The following CMTR2 variants were observed in gnomAD, a reference collection of about 807,000 sequenced individuals.
CMTR2 encodes the protein cap-specific mRNA (nucleoside-2'-O-)-methyltransferase 2.
Under a neutral mutation model 49.8 loss-of-function variants are expected in CMTR2, and 40 were observed. The observed-to-expected ratio is 0.80, with a 90% confidence interval of 0.62 to 1.04. The LOEUF (loss-of-function observed/expected upper bound fraction) is 1.04. Among genes scored for constraint, CMTR2 ranks in the 50% least tolerant of loss-of-function variants. The probability of loss-of-function intolerance (pLI) is 0.00; values close to 1 mark genes in which losing one functional copy is unlikely to be tolerated. For synonymous variants in CMTR2, 326 were observed against 315.8 expected, an observed-to-expected ratio of 1.03 and a Z score of -0.34; for missense variants, 907 against 897.2, an observed-to-expected ratio of 1.01 and a Z score of -0.14.
intron 2 of CMTR2, chr16:71,287,089 C>T (rs1270774116): frequency 6.6e-6 from 1 of 152,084 alleles, no homozygotes; most frequent in Admixed American, 6.5e-5. Flanking sequence ...CTTTAGTTCA[C>T]AAATTCTGCA....
chr16:71,283,749 A>C lies in CMTR2; in HGVS notation c.2172T>G (p.Phe724Leu), dbSNP rs756451781. 6.2e-6 allele frequency: 10 copies of C among 1,613,918 alleles called. No homozygotes were observed. The Admixed American group carries it at 1.7e-4, about 27-fold the overall frequency. Residue 724 changes from phenylalanine to leucine, a missense_variant, in exon 3 of 3, where the codon TTT becomes TTG. Phe to Leu is a conservative substitution (Grantham distance 22). Transcript: ENST00000434935. ...NSDSPQQVLQ[F>L]VPMEVLLKGA... ...CCTTAAGGAGTACCTCCATTGGCAC[A>C]AACTGTAAAACCTGCTGGGGTGAGT...
Position 71,284,722 on chromosome 16 carries a change from G to A in CMTR2, c.1199C>T (p.Ala400Val), listed in dbSNP as rs1197327408. Reference sequence around the variant, plus strand: ...AAATTTTTGCATAAAATATTGTATAGCACAATCCCTTAAATTATTCAGCTT... The same window carrying A: ...AAATTTTTGCATAAAATATTGTATAACACAATCCCTTAAATTATTCAGCTT... ...QEKLNNLRDCAIQYFMQKFQL... is the reference protein window; with the variant it reads ...QEKLNNLRDCVIQYFMQKFQL... The change falls in exon 3 of 3, where the codon GCT becomes GTT. Residue 400 changes from alanine (A) to valine (V), a missense_variant. Transcript: ENST00000434935. 6.2e-7 allele frequency: 1 copy of A among 1,613,294 alleles called. No individual in the cohort carries two copies. The highest frequency in any genetic ancestry group is 8.5e-7 in the Non-Finnish European group (1 of 1,179,594).
At position 71,285,772 on chromosome 16, in the gene CMTR2, C is replaced by T; in HGVS notation, c.149G>A (p.Ser50Asn). ...AGTGTGGTCACAGGTGAAAATCTCACTGGGATCTGGTAACTGCCACTCATT... is the reference window on the plus strand; with the variant it reads ...AGTGTGGTCACAGGTGAAAATCTCATTGGGATCTGGTAACTGCCACTCATT... ...LNNEWQLPDP[S>N]EIFTCDHTEL... Residue 50 changes from serine (S) to asparagine (N), a missense_variant, in exon 3 of 3, where the codon AGT (serine) becomes AAT (asparagine). Transcript: ENST00000434935. 6.2e-7 allele frequency: 1 copy of T among 1,614,038 alleles called. No individual in the cohort carries two copies. Among genetic ancestry groups the T allele is most frequent in the South Asian group, 1.1e-5 (1 of 91,050 alleles).
rs2041697363 is a variant in CMTR2 at position 71,285,185 on chromosome 16, C to A, written c.736G>T (p.Glu246Ter). ...GSFDCQGNPG[E>*]QEALVSSLHY... is the part of the protein sequence containing the mutation. ...AAAGAAGAAACTAAAGCTTCTTGTT[C>A]ACCTGGGTTTCCTTGGCAATCAAAA... The change falls in exon 3 of 3, where the codon GAA (glutamate) becomes TAA (stop). Residue 246 changes from glutamate (E) to a stop codon, truncating the protein, a stop_gained. Coordinates refer to ENST00000434935, the MANE Select transcript of CMTR2 (RefSeq NM_018348.6). LOFTEE classifies it high-confidence loss of function. The A allele has an allele frequency of 1.9e-6, 3 of 1,614,068 alleles. No homozygotes were observed. The East Asian group carries it at 6.7e-5, about 36-fold the overall frequency.
In CMTR2 at chr16:71,285,864, G is replaced by A. The variant is rs781088912; in HGVS notation, c.57C>T (p.Ser19=). 7 of 1,613,026 alleles carry A rather than the reference G, an allele frequency of 4.3e-6. No homozygotes were observed. In the East Asian group the frequency reaches 1.3e-4, roughly 31 times the overall value. Residue 19 remains serine (S), a synonymous_variant, in exon 3 of 3, where the codon AGC becomes AGT. Coordinates refer to ENST00000434935, the MANE Select transcript of CMTR2 (RefSeq NM_018348.6). ...CAAAAATGTCAGCAAGAATATCTGG[G>A]CTGAATGACGCGGGACTTGCTAGCT... ...VQQLASPASF[S]PDILADIFEL...
intron 2 of CMTR2, 79 bp downstream of exon 2, chr16:71,288,799 C>G (rs2041776931): frequency 6.6e-6 from 1 of 152,172 alleles, no homozygotes; most frequent in Non-Finnish European, 1.5e-5. Context: ...ATTGCAAACT[C>G]AAGTAGGCAG....
In CMTR2 at chr16:71,283,679, T is replaced by C. The variant is rs1340534501; in HGVS notation, c.2242A>G (p.Lys748Glu). 6.2e-7 allele frequency: 1 copy of C among 1,613,830 alleles called. No individual in the cohort carries two copies. Among genetic ancestry groups the C allele is most frequent in the Middle Eastern group, 1.6e-4 (1 of 6,062 alleles). ...FLWDLNAAIA[K>E]RHLHFIIQRE... ...TGAATAATGAAATGCAAATGCCTTT[T>C]AGCAATGGCAGCATTCAAATCCCAC... Residue 748 changes from lysine to glutamate, a missense_variant, in exon 3 of 3, where the codon AAA becomes GAA. By Grantham distance (56) the Lys-to-Glu change is moderately conservative. Coordinates refer to ENST00000434935, the MANE Select transcript of CMTR2 (RefSeq NM_018348.6).
chr16:71,284,435 T>C lies in CMTR2; in HGVS notation c.1486A>G (p.Ile496Val). The change falls in exon 3 of 3, where the codon ATT (isoleucine) becomes GTT (valine). Residue 496 changes from isoleucine to valine, a missense_variant. By Grantham distance (29) the Ile-to-Val change is conservative (BLOSUM62 3). Coordinates refer to ENST00000434935, the MANE Select transcript of CMTR2 (RefSeq NM_018348.6). ...ASNLECHLWH[I>V]LEGKKLPKVK... ...TTTGGCAGTTTCTTTCCCTCCAAAATATGCCATAAGTGACACTCAAGATTG... is the reference window on the plus strand; with the variant it reads ...TTTGGCAGTTTCTTTCCCTCCAAAACATGCCATAAGTGACACTCAAGATTG... 1.9e-6 allele frequency: 3 copies of C among 1,613,946 alleles called. No individual in the cohort carries two copies. The highest frequency in any genetic ancestry group is 1.3e-5 in the African/African-American group (1 of 75,038).
intron 2 of CMTR2, 135 bp from the exon 3 acceptor site, chr16:71,286,074 C>A: frequency 1.7e-6 from 1 of 599,862 alleles, no homozygotes; most frequent in Non-Finnish European, 2.7e-6. Flanking sequence ...TGTTATTTAA[C>A]CAAGTAATCT....
At position 71,284,768 on chromosome 16, in the gene CMTR2, T is replaced by C. The variant is rs1343771975; in HGVS notation, c.1153A>G (p.Met385Val). Residue 385 changes from methionine to valine, a missense_variant, in exon 3 of 3, where the codon ATG (methionine) becomes GTG (valine). Met to Val is a conservative substitution (Grantham distance 21). Coordinates refer to ENST00000434935, the MANE Select transcript of CMTR2 (RefSeq NM_018348.6). ...AGCTTTTCTTGTTCCGCCTTTCCCATGCACTCAAATAGACGAATGTTTTCA... is the reference window on the plus strand; with the variant it reads ...AGCTTTTCTTGTTCCGCCTTTCCCACGCACTCAAATAGACGAATGTTTTCA... ...ISENIRLFECMGKAEQEKLNN... is the reference protein window; with the variant it reads ...ISENIRLFECVGKAEQEKLNN... The C allele has an allele frequency of 2.5e-6, 4 of 1,613,810 alleles. No homozygotes were observed. Among genetic ancestry groups the C allele is most frequent in the South Asian group, 1.1e-5 (1 of 91,074 alleles).
At position 71,283,858 on chromosome 16, in the gene CMTR2, C is replaced by T. The variant is rs1306766418; in HGVS notation, c.2063G>A (p.Cys688Tyr). The T allele has an allele frequency of 1.2e-6, 2 of 1,613,718 alleles. No homozygotes were observed. The highest frequency in any genetic ancestry group is 1.7e-6 in the Non-Finnish European group (2 of 1,179,862). ...DPLRTCAVLL[C>Y]VGYQDLPNPV... Reference sequence around the variant, plus strand: ...ATTTGGAAGGTCCTGATAACCAACACATAGCAGGACTGCGCAGGTCCTCAG... The same window carrying T: ...ATTTGGAAGGTCCTGATAACCAACATATAGCAGGACTGCGCAGGTCCTCAG... The change falls in exon 3 of 3, where the codon TGT (cysteine) becomes TAT (tyrosine). Residue 688 changes from cysteine (C) to tyrosine (Y), a missense_variant. Transcript: ENST00000434935.
Position 71,285,013 on chromosome 16 carries a change from G to A in CMTR2, c.908C>T (p.Pro303Leu), listed in dbSNP as rs780058374. The change falls in exon 3 of 3, where the codon CCT (proline) becomes CTT (leucine). Residue 303 changes from proline to leucine, a missense_variant. Coordinates refer to ENST00000434935, the MANE Select transcript of CMTR2 (RefSeq NM_018348.6). Reference sequence around the variant, plus strand: ...GGAGTTTCCTGCCTTGCTAGTAGCAGGTTTGAAAACATGGACTTGGTCAAA... The same window carrying A: ...GGAGTTTCCTGCCTTGCTAGTAGCAAGTTTGAAAACATGGACTTGGTCAAA... ...CCFDQVHVFK[P>L]ATSKAGNSEV... 1 of 1,613,940 alleles carries A rather than the reference G, an allele frequency of 6.2e-7. No homozygotes were observed. Among genetic ancestry groups the A allele is most frequent in the Non-Finnish European group, 8.5e-7 (1 of 1,179,954 alleles).
In CMTR2 at chr16:71,283,545, A is replaced by G. The variant is rs1333598135; in HGVS notation, c.*63T>C. ...AAAAGGTTTTTAAATTAATAGAGCAACAGGATGCAAATACTGGGCAAATTA... is the reference window on the plus strand; with the variant it reads ...AAAAGGTTTTTAAATTAATAGAGCAGCAGGATGCAAATACTGGGCAAATTA... On this transcript the variant is annotated 3_prime_UTR_variant, in exon 3 of 3. Transcript: ENST00000434935. The G allele has an allele frequency of 3.5e-5, 54 of 1,525,246 alleles. No individual in the cohort carries two copies. The highest frequency in any genetic ancestry group is 4.7e-5 in the Non-Finnish European group (53 of 1,139,288). The allele number at this position is 1,525,246 out of a possible 1,614,324, so 94.5% of individuals were successfully genotyped here.
chr16:71,281,851 C>T lies in CMTR2; in HGVS notation c.*1757G>A, dbSNP rs772117525. ...CTGGACCCATGCCTTCAACTTCATTCTTATCAAATAGTTAAAATAAGTAAA... is the reference window on the plus strand; with the variant it reads ...CTGGACCCATGCCTTCAACTTCATTTTTATCAAATAGTTAAAATAAGTAAA... On this transcript the variant is annotated 3_prime_UTR_variant, in exon 3 of 3. Transcript: ENST00000434935. 2.0e-5 allele frequency: 3 copies of T among 151,942 alleles called. No homozygotes were observed. Among genetic ancestry groups the T allele is most frequent in the African/African-American group, 4.8e-5 (2 of 41,406 alleles). 9.4% of individuals were successfully genotyped at this position (151,942 alleles called of 1,614,324 possible). A position where few individuals can be genotyped will look rare whatever the true frequency, so the allele number is the denominator to read the frequency against.
Position 71,285,111 on chromosome 16 carries a change from G to A in CMTR2, c.810C>T (p.Gly270=), listed in dbSNP as rs2041695346. The A allele has an allele frequency of 6.2e-7, 1 of 1,613,938 alleles. No homozygotes were observed. The highest frequency in any genetic ancestry group is 1.1e-5 in the South Asian group (1 of 91,088). ...TAGTAAACATCTTTAGAACAAAAGA[G>A]CCACCGTTTCCAAGAGTGGTCAGAG... ...VTALTTLGNG[G]SFVLKMFTMF... The change falls in exon 3 of 3, where the codon GGC becomes GGT. Residue 270 remains glycine (G), a synonymous_variant. Coordinates refer to ENST00000434935, the MANE Select transcript of CMTR2 (RefSeq NM_018348.6).
intron 2 of CMTR2, chr16:71,286,446 T>A (rs117331606): frequency 0.35 from 42,889 of 123,436 alleles, 7,210 homozygotes; most frequent in Non-Finnish European, 0.41. Flanking sequence ...TGACTTTTCG[T>A]TTTTTTTTTT....
In CMTR2 at chr16:71,283,799, A is replaced by G; in HGVS notation, c.2122T>C (p.Leu708=). Residue 708 remains leucine (L), a synonymous_variant, in exon 3 of 3, where the codon TTG becomes CTG. Coordinates refer to ENST00000434935, the MANE Select transcript of CMTR2 (RefSeq NM_018348.6). ...VFRYLQSVNE[L]LSTLLNSDSP... is the part of the protein sequence containing the mutation. Reference sequence around the variant, plus strand: ...TCAGAGTTGAGCAAAGTGCTCAACAATTCATTCACACTCTGCAAATATCGG... The same window carrying G: ...TCAGAGTTGAGCAAAGTGCTCAACAGTTCATTCACACTCTGCAAATATCGG... 6.2e-7 allele frequency: 1 copy of G among 1,614,006 alleles called. No individual in the cohort carries two copies. The highest frequency in any genetic ancestry group is 8.5e-7 in the Non-Finnish European group (1 of 1,179,964).
Position 71,285,250 on chromosome 16 carries a change from C to G in CMTR2, c.671G>C (p.Ser224Thr). 1 of 1,614,008 alleles carries G rather than the reference C, an allele frequency of 6.2e-7. No homozygotes were observed. ...GACCAAGTGAACAGTAGCCATGCTGCTTATGAAATTCTGAAGTCCAGTCAA... is the reference window on the plus strand; with the variant it reads ...GACCAAGTGAACAGTAGCCATGCTGGTTATGAAATTCTGAAGTCCAGTCAA... ...KFLTGLQNFI[S>T]SMATVHLVTA... The change falls in exon 3 of 3, where the codon AGC (serine) becomes ACC (threonine). Residue 224 changes from serine to threonine, a missense_variant. Physicochemically the swap from Ser to Thr is moderately conservative, Grantham distance 58 (BLOSUM62 1). Transcript: ENST00000434935.
In CMTR2 at chr16:71,282,301, C is replaced by G. The variant is rs1481042557; in HGVS notation, c.*1307G>C. ...CATTTAAAAAAGATGAACACAAAAT[C>G]TCTCTAGTAATGACTTTATTCATGA... On this transcript the variant is annotated 3_prime_UTR_variant, in exon 3 of 3. Transcript: ENST00000434935. 1 of 151,978 alleles carries G rather than the reference C, an allele frequency of 6.6e-6. No individual in the cohort carries two copies. The highest frequency in any genetic ancestry group is 1.5e-5 in the Non-Finnish European group (1 of 67,902). The allele number at this position is 151,978 out of a possible 1,614,324, so 9.4% of individuals were successfully genotyped here. A position where few individuals can be genotyped will look rare whatever the true frequency, so the allele number is the denominator to read the frequency against.
Sources: gnomAD v4.1 joint callset for allele counts on GRCh38, gnomAD v4.1.1 for gene constraint, MANE v1.5 for transcripts, NCBI Gene and HGNC (gene_info 2026-07-23, HGNC 2026-07-21) for gene names.